Variants in RALYL observed in about 807,000 individuals in gnomAD.
RALYL encodes RNA-binding Raly-like protein.
RALYL carries 29 observed loss-of-function variants against 35.1 expected under a neutral mutation model. The ratio of observed to expected loss-of-function variants is 0.83; its 90% confidence interval spans 0.61 to 1.13. The LOEUF is 1.13. RALYL is among the 50% of genes most tolerant of loss of function. The probability of loss-of-function intolerance (pLI) is 0.00; values close to 1 mark genes in which losing one functional copy is unlikely to be tolerated. For missense variants in RALYL, 359 were observed against 360.4 expected, an observed-to-expected ratio of 1.00 and a Z score of 0.03; for synonymous variants, 120 against 127.6, an observed-to-expected ratio of 0.94 and a Z score of 0.40.
At chr8:84,587,554 A>G (rs1812283708) in intron 2 of RALYL, among the ~76,000 whole-genome samples, 1 of 152,234 alleles carries the variant, frequency 6.6e-6, no homozygotes, top group African/African-American at 2.4e-5. Context: ...TTCCCCAGAT[A>G]AGAGTTATTC....
chr8:84,422,403 A>T (rs2045749425), intron 1 of RALYL, among the ~76,000 whole-genome samples: 1 of 134,656 alleles, frequency 7.4e-6, no homozygotes, highest in East Asian at 2.1e-4. Context: ...TATCCCCTTT[A>T]TCATTTTTTA....
intron 2 of RALYL, among the ~76,000 whole-genome samples, chr8:84,647,720 A>G (rs1435918351): frequency 6.6e-6 from 1 of 152,046 alleles, no homozygotes. Flanking sequence ...ATGGAGGGAG[A>G]TACACAAGAA....
At chr8:84,570,481 G>C (rs890629134) in intron 2 of RALYL, among the ~76,000 whole-genome samples, 2 of 151,760 alleles carry the variant, frequency 1.3e-5, no homozygotes, top group African/African-American at 4.8e-5. Flanking sequence ...GAGTCTTTCA[G>C]AGGAATCTTA....
rs1321252824 is a variant in RALYL at position 84,468,824 on chromosome 8, C to T, written c.-23-60475C>T. On this transcript the variant is annotated intron_variant, in intron 1 of 8. Transcript: ENST00000521268. ...GTCTTTTCACATAGTCCCGTATTTCCTGGAGGCTTTGCTCATTTCTTTTTA... is the reference window on the plus strand; with the variant it reads ...GTCTTTTCACATAGTCCCGTATTTCTTGGAGGCTTTGCTCATTTCTTTTTA... Among the ~76,000 whole-genome samples the T allele has an allele frequency of 5.3e-5, 8 of 152,102 alleles. No individual in the cohort carries two copies. The South Asian group carries it at 8.3e-4, about 16-fold the overall frequency.
chr8:84,668,343 C>A (rs1832489509), intron 2 of RALYL, among the ~76,000 whole-genome samples: 3 of 152,056 alleles, frequency 2.0e-5, no homozygotes, highest in Admixed American at 2.0e-4. Context: ...AGCAGTCATG[C>A]AGTGAGTTTT....
chr8:84,657,482 T>C (rs1044014983), intron 2 of RALYL, among the ~76,000 whole-genome samples: 10 of 152,220 alleles, frequency 6.6e-5, no homozygotes, highest in Admixed American at 5.9e-4. Context: ...AAAGCACTCA[T>C]GTGCATACCT....
intron 2 of RALYL, among the ~76,000 whole-genome samples, chr8:84,701,553 T>C (rs1310035561): frequency 6.6e-6 from 1 of 152,182 alleles, no homozygotes; most frequent in African/African-American, 2.4e-5. Flanking sequence ...AAGATGTCAA[T>C]ACTCCGAGTG....
At chr8:84,543,330 G>A (rs1045452449) in intron 2 of RALYL, among the ~76,000 whole-genome samples, 3 of 151,222 alleles carry the variant, frequency 2.0e-5, no homozygotes, top group Non-Finnish European at 4.4e-5. Context: ...TGATTACCAT[G>A]AATTATGATT....
At chr8:84,425,366 C>T (rs2046272691) in intron 1 of RALYL, among the ~76,000 whole-genome samples, 1 of 152,182 alleles carries the variant, frequency 6.6e-6, no homozygotes, top group Admixed American at 6.5e-5. Context: ...TCCCTGACCC[C>T]TTGCGCTTCC....
intron 7 of RALYL, among the ~76,000 whole-genome samples, chr8:84,886,277 TTATTTGTACATTA>T (rs1842910084): frequency 8.2e-6 from 1 of 121,264 alleles, no homozygotes; most frequent in Non-Finnish European, 1.6e-5. Context: ...GCTTATTTGC[TTATTTGTACATTA>T]TATTTATATC....
intron 2 of RALYL, among the ~76,000 whole-genome samples, chr8:84,742,643 T>C (rs11988092): frequency 0.35 from 53,210 of 151,752 alleles, 9,825 homozygotes; most frequent in Non-Finnish European, 0.37. Context: ...GGAGACCAAC[T>C]CTCACAGGTC....
At chr8:84,809,711 G>A (rs1233277544) in intron 4 of RALYL, among the ~76,000 whole-genome samples, 2 of 151,962 alleles carry the variant, frequency 1.3e-5, no homozygotes, top group African/African-American at 2.4e-5. Context: ...TAAGCCAAGA[G>A]GATTGTATTT....
At chr8:84,729,754 A>T (rs542966964) in intron 2 of RALYL, among the ~76,000 whole-genome samples, 125 of 152,112 alleles carry the variant, frequency 8.2e-4, no homozygotes, top group Middle Eastern at 3.4e-3. Flanking sequence ...TACTACAAAC[A>T]CCTCTACGCA....
chr8:84,184,987 C>T (rs1812129361), intron 1 of RALYL: 2 of 1,613,934 alleles, frequency 1.2e-6, no homozygotes, highest in Non-Finnish European at 1.7e-6. Flanking sequence ...ACTCCTGCTC[C>T]TCCTCTTCGC....
chr8:84,588,607 A>T (rs1202265726), intron 2 of RALYL, among the ~76,000 whole-genome samples: 1 of 152,216 alleles, frequency 6.6e-6, no homozygotes. Flanking sequence ...AGTGAGAATT[A>T]TAGCAGAATT....
At chr8:84,294,176 G>A (rs1306668641) in intron 1 of RALYL, among the ~76,000 whole-genome samples, 1 of 152,070 alleles carries the variant, frequency 6.6e-6, no homozygotes, top group Admixed American at 6.6e-5. Context: ...TAGAAATGTG[G>A]TTGGCATGTA....
intron 1 of RALYL, among the ~76,000 whole-genome samples, chr8:84,202,004 T>G (rs1348422260): frequency 1.3e-5 from 2 of 152,212 alleles, no homozygotes; most frequent in Admixed American, 6.5e-5. Flanking sequence ...TTTTAATGGT[T>G]ATACAGCATT....
chr8:84,739,915 A>G (rs1489970757), intron 2 of RALYL, among the ~76,000 whole-genome samples: 1 of 151,992 alleles, frequency 6.6e-6, no homozygotes, highest in Non-Finnish European at 1.5e-5. Context: ...AGAAGAAAGC[A>G]GTAAATCCAA....
intron 1 of RALYL, among the ~76,000 whole-genome samples, chr8:84,426,601 T>C (rs556429182): frequency 6.6e-6 from 1 of 152,300 alleles, no homozygotes; most frequent in East Asian, 1.9e-4. Context: ...TGTCCTTTTT[T>C]AGTGGCAACT....
Sources: gnomAD v4.1 joint callset for allele counts (sites outside exome capture counted in the v4.1 genomes callset) on GRCh38, gnomAD v4.1.1 for gene constraint, MANE v1.5 for transcripts, NCBI Gene and HGNC (gene_info 2026-07-23, HGNC 2026-07-21) for gene names.